The following MSI1 variants were observed in gnomAD, a reference collection of about 807,000 sequenced individuals.
The protein encoded by MSI1 is RNA-binding protein Musashi homolog 1.
MSI1 carries 15 observed loss-of-function variants against 54.4 expected under a neutral mutation model. The observed-to-expected ratio is 0.28, with a 90% CI of 0.18 to 0.42. The LOEUF is 0.42. Ranked by LOEUF, MSI1 falls within the 20% of genes least tolerant of loss-of-function variation. MSI1 has a pLI of 1.00. For missense variants in MSI1, 304 were observed against 506.0 expected (o/e 0.60, Z 3.83); for synonymous variants, 200 against 196.5 (o/e 1.02, Z -0.15).
In MSI1 at chr12:120,368,671, G is replaced by A. The variant is rs1876186696; in HGVS notation, c.100+162C>T. Among the ~76,000 whole-genome samples, 1 of 151,784 alleles carries A rather than the reference G, an allele frequency of 6.6e-6. No individual in the cohort carries two copies. The highest frequency in any genetic ancestry group is 6.6e-5 in the Admixed American group (1 of 15,252). ...CACCCGCTGGGCCGGGTGCGCTCGC[G>A]GATCGCCCTGCGCTCTCGGGGTCTC... On this transcript the variant is annotated intron_variant, in intron 2 of 14. Transcript: ENST00000257552. The surrounding 1 kb of genome is among the most constrained non-coding windows in gnomAD (Gnocchi z 6.6).
intron 12 of MSI1, 88 bp from the exon 13 acceptor site, chr12:120,346,410 C>A: frequency 7.6e-7 from 1 of 1,307,610 alleles, no homozygotes; most frequent in Non-Finnish European, 1.0e-6. Flanking sequence ...CCACCCTAAC[C>A]TGGACCCCCA....
In MSI1 at chr12:120,368,137, A is replaced by T; in HGVS notation, c.183-45T>A. On this transcript the variant is annotated intron_variant, in intron 3 of 14. Coordinates refer to ENST00000257552, the MANE Select transcript of MSI1 (RefSeq NM_002442.4). This position sits in a 1 kb window ranked among gnomAD's most constrained non-coding sequence, Gnocchi z 6.6. Reference sequence around the variant, plus strand: ...AGAGGCAGATGGTTACAAGGCAGTGAGTGGCGGGTGGAGGGGGGCGAGCCG... The same window carrying T: ...AGAGGCAGATGGTTACAAGGCAGTGTGTGGCGGGTGGAGGGGGGCGAGCCG... 1 of 1,595,356 alleles carries T rather than the reference A, an allele frequency of 6.3e-7. No individual in the cohort carries two copies. The highest frequency in any genetic ancestry group is 1.1e-5 in the South Asian group (1 of 88,742).
intron 4 of MSI1, among the ~76,000 whole-genome samples, chr12:120,365,149 G>A (rs777064227): frequency 9.2e-5 from 14 of 152,208 alleles, no homozygotes; most frequent in African/African-American, 1.7e-4. Flanking sequence ...GACCTCAGGT[G>A]AGCCGCCCGC....
chr12:120,358,787 G>C (rs1875370577), intron 7 of MSI1, among the ~76,000 whole-genome samples: 1 of 151,894 alleles, frequency 6.6e-6, no homozygotes, highest in Non-Finnish European at 1.5e-5. Context: ...GGACTGGGGG[G>C]GTGGGTACTC....
intron 9 of MSI1, among the ~76,000 whole-genome samples, chr12:120,353,667 G>A (rs1312211204): frequency 6.6e-6 from 1 of 152,166 alleles, no homozygotes; most frequent in Non-Finnish European, 1.5e-5. Flanking sequence ...TGCTCTTTGA[G>A]CTCTGGCTCC....
rs773250496 is a variant in MSI1 at position 120,368,323 on chromosome 12, C to CG, written c.101-51_101-50insC. The CG allele has an allele frequency of 2.4e-5, 35 of 1,453,238 alleles. No homozygotes were observed. Among genetic ancestry groups the CG allele is most frequent in the Middle Eastern group, 1.9e-4 (1 of 5,190 alleles). 90.0% of individuals were successfully genotyped at this position (1,453,238 alleles called of 1,614,324 possible). A position where few individuals can be genotyped will look rare whatever the true frequency, so the allele number is the denominator to read the frequency against. On this transcript the variant is annotated intron_variant, in intron 2 of 14. Coordinates refer to ENST00000257552, the MANE Select transcript of MSI1 (RefSeq NM_002442.4). This position sits in a 1 kb window ranked among gnomAD's most constrained non-coding sequence, Gnocchi z 6.6. ...ACCAGCCCGGGCCCCGCGCCCTTCC[C>CG]CCCCCCCCGTCCTTTGCCCCCGGTG...
intron 13 of MSI1, among the ~76,000 whole-genome samples, chr12:120,345,883 C>T (rs1874073062): frequency 6.6e-6 from 1 of 152,108 alleles, no homozygotes; most frequent in African/African-American, 2.4e-5. Flanking sequence ...GGAATCAAAC[C>T]TCCATGTGAG....
intron 6 of MSI1, among the ~76,000 whole-genome samples, chr12:120,359,386 G>C (rs1875435568): frequency 6.6e-6 from 1 of 152,148 alleles, no homozygotes; most frequent in African/African-American, 2.4e-5. Flanking sequence ...GACCAAACTG[G>C]GGAGGCACAG....
chr12:120,345,556 C>T lies in MSI1; in HGVS notation c.*21+14G>A, dbSNP rs372496356. The T allele has an allele frequency of 1.9e-4, 299 of 1,612,798 alleles. 1 individual carries two copies. The highest frequency in any genetic ancestry group is 2.4e-4 in the Non-Finnish European group (283 of 1,179,486). ...CAGTGCCACCCCACCACCTGCCCAC[C>T]CCCACATCCTCACCTCCTGCCACCG... On this transcript the variant is annotated intron_variant, in intron 14 of 14. Coordinates refer to ENST00000257552, the MANE Select transcript of MSI1 (RefSeq NM_002442.4).
intron 13 of MSI1, 130 bp downstream of exon 13, chr12:120,346,005 A>C (rs1050291832): frequency 2.4e-6 from 2 of 840,388 alleles, no homozygotes; most frequent in African/African-American, 3.4e-5. Context: ...TTCCTTAGTG[A>C]TCTTTCTCCA....
chr12:120,360,173 T>A (rs960040494), intron 6 of MSI1, among the ~76,000 whole-genome samples: 1 of 152,120 alleles, frequency 6.6e-6, no homozygotes, highest in African/African-American at 2.4e-5. Context: ...TTAGTAGAGA[T>A]GGGGTTTCAC....
chr12:120,364,387 C>G (rs751446383), intron 5 of MSI1, among the ~76,000 whole-genome samples: 4 of 152,114 alleles, frequency 2.6e-5, no homozygotes, highest in Non-Finnish European at 5.9e-5. Context: ...GACATCAAGG[C>G]TGTGGTCTAT....
At chr12:120,366,033 G>A (rs1266106416) in intron 4 of MSI1, among the ~76,000 whole-genome samples, 1 of 152,172 alleles carries the variant, frequency 6.6e-6, no homozygotes, top group South Asian at 2.1e-4. Flanking sequence ...ATGCATCTGG[G>A]TGTACTCCTG....
At chr12:120,364,633 C>A in intron 5 of MSI1, 81 bp downstream of exon 5, 1 of 1,366,334 alleles carries the variant, frequency 7.3e-7, no homozygotes, top group African/African-American at 1.5e-5. Flanking sequence ...GAAGCATCTT[C>A]CAGAGCAGGA....
rs750768495 is a variant in MSI1 at position 120,364,772 on chromosome 12, A to G, written c.268-17T>C. 3.8e-6 allele frequency: 6 copies of G among 1,596,192 alleles called. No individual in the cohort carries two copies. The highest frequency in any genetic ancestry group is 1.3e-5 in the African/African-American group (1 of 74,294). ...AGGGTCAATCTACAAGAAAAGGGAGAGGTAGAAGGGGTCTTGGTTATCGCA... is the reference window on the plus strand; with the variant it reads ...AGGGTCAATCTACAAGAAAAGGGAGGGGTAGAAGGGGTCTTGGTTATCGCA... On this transcript the variant is annotated splice_polypyrimidine_tract_variant and intron_variant, in intron 4 of 14. Transcript: ENST00000257552.
At chr12:120,343,827 G>A (rs1010863171) in intron 14 of MSI1, among the ~76,000 whole-genome samples, 5 of 152,108 alleles carry the variant, frequency 3.3e-5, no homozygotes, top group Non-Finnish European at 5.9e-5. Context: ...TGTGATGGCC[G>A]TGTACACAGT....
intron 5 of MSI1, among the ~76,000 whole-genome samples, chr12:120,363,995 C>T (rs150285638): frequency 2.0e-3 from 309 of 152,318 alleles, no homozygotes; most frequent in South Asian, 3.7e-3. Context: ...CCCCATGTTC[C>T]GCAATCAGTC....
downstream of MSI1, among the ~76,000 whole-genome samples, chr12:120,340,797 A>C (rs1873638669): frequency 6.6e-6 from 1 of 151,878 alleles, no homozygotes; most frequent in African/African-American, 2.4e-5. Context: ...TACAGGTGTG[A>C]GCAACCACAC....
chr12:120,363,246 C>A, intron 5 of MSI1, 111 bp from the exon 6 acceptor site: 1 of 876,094 alleles, frequency 1.1e-6, no homozygotes, highest in South Asian at 1.5e-5. Context: ...CTCTGTGGCC[C>A]CAGCCTCTTT....
Sources: gnomAD v4.1 joint callset for allele counts (sites outside exome capture counted in the v4.1 genomes callset) on GRCh38, gnomAD v4.1.1 for gene constraint, Gnocchi (gnomAD v3.1) non-coding constraint, MANE v1.5 for transcripts, NCBI Gene and HGNC (gene_info 2026-07-23, HGNC 2026-07-21) for gene names.